Variants in ULK4 observed in about 807,000 individuals in gnomAD.
ULK4 encodes the protein inactive serine/threonine-protein kinase ULK4.
In ULK4, 133 loss-of-function variants were observed where a neutral mutation model predicts 160.6. That is an observed-to-expected ratio of 0.83 (90% CI 0.72 to 0.96). The LOEUF (loss-of-function observed/expected upper bound fraction) is 0.96. Among genes scored for constraint, ULK4 ranks in the 40% least tolerant of loss-of-function variants. ULK4 has a pLI of 0.00. For missense variants in ULK4, 1,580 were observed against 1,499.5 expected (o/e 1.05, Z -0.89); for synonymous variants, 534 against 539.8 (o/e 0.99, Z 0.15).
rs201544146 is a variant in ULK4 at position 41,804,881 on chromosome 3, T to C, written c.1849-4588A>G. The stretch of plus-strand genomic sequence containing the variant: ...ACCAGTACCATGCTGTTTTGGTTAC[T>C]GTAGCCTTGTAGTATAGTTTGAAGT... On this transcript the variant is annotated intron_variant, in intron 19 of 36. Transcript: ENST00000301831. 9.2e-3 allele frequency among the ~76,000 whole-genome samples: 1,391 copies of C among 150,764 alleles called. 49 individuals carry two copies. In the East Asian group the frequency reaches 0.13, roughly 14 times the overall value.
chr3:41,738,411 C>T (rs1224517042), intron 22 of ULK4, among the ~76,000 whole-genome samples: 1 of 151,920 alleles, frequency 6.6e-6, no homozygotes, highest in Admixed American at 6.5e-5. Context: ...AGTTCATGTT[C>T]ACTGCCTTGC....
intron 21 of ULK4, among the ~76,000 whole-genome samples, chr3:41,786,884 G>T (rs1013556812): frequency 6.6e-6 from 1 of 151,950 alleles, no homozygotes; most frequent in Non-Finnish European, 1.5e-5. Context: ...TGAAACCTGA[G>T]GATCAACACA....
intron 35 of ULK4, among the ~76,000 whole-genome samples, chr3:41,367,509 A>G (rs1250527853): frequency 6.6e-6 from 1 of 152,174 alleles, no homozygotes; most frequent in Admixed American, 6.5e-5. Flanking sequence ...TGTGGTGAGC[A>G]GCTCCATGGC....
intron 21 of ULK4, chr3:41,766,813 T>C (rs2039176832): frequency 6.6e-6 from 1 of 152,214 alleles, no homozygotes; most frequent in South Asian, 2.1e-4. Flanking sequence ...GACACACATG[T>C]AGCCATGAGG....
intron 17 of ULK4, among the ~76,000 whole-genome samples, chr3:41,864,889 C>G (rs2042583151): frequency 6.6e-6 from 1 of 152,170 alleles, no homozygotes; most frequent in South Asian, 2.1e-4. Context: ...TCTCCAACCT[C>G]TATCTTCAAT....
chr3:41,391,986 G>A (rs770841977), intron 35 of ULK4, among the ~76,000 whole-genome samples: 1 of 152,026 alleles, frequency 6.6e-6, no homozygotes, highest in African/African-American at 2.4e-5. Flanking sequence ...GAGAGTAGTC[G>A]ATAGCATATA....
At chr3:41,538,452 A>T (rs2086586475) in intron 32 of ULK4, among the ~76,000 whole-genome samples, 1 of 152,070 alleles carries the variant, frequency 6.6e-6, no homozygotes, top group Admixed American at 6.6e-5. Context: ...AAACAATTCA[A>T]CTTTTTGTTA....
chr3:41,463,847 GTGTTAT>G (rs2083756393), intron 32 of ULK4, among the ~76,000 whole-genome samples: 1 of 152,002 alleles, frequency 6.6e-6, no homozygotes, highest in Non-Finnish European at 1.5e-5. Context: ...CATTTTGGGG[GTGTTAT>G]TGTTTACATT....
At chr3:41,309,916 A>G (rs571734139) in intron 35 of ULK4, among the ~76,000 whole-genome samples, 2 of 152,226 alleles carry the variant, frequency 1.3e-5, no homozygotes, top group East Asian at 3.9e-4. Flanking sequence ...AAAAAATGAC[A>G]CATTTTAGAG....
In ULK4 at chr3:41,488,691, C is replaced by T. The variant is rs2084635091; in HGVS notation, c.3227-25438G>A. Reference sequence around the variant, plus strand: ...GGGTTCAGTTTGCACCTCTGTAACACCAAGTGAAACTCTTGCTACATTCTG... The same window carrying T: ...GGGTTCAGTTTGCACCTCTGTAACATCAAGTGAAACTCTTGCTACATTCTG... On this transcript the variant is annotated intron_variant, in intron 32 of 36. Coordinates refer to ENST00000301831, the MANE Select transcript of ULK4 (RefSeq NM_017886.4). Among the ~76,000 whole-genome samples, 3 of 152,148 alleles carry T rather than the reference C, an allele frequency of 2.0e-5. No individual in the cohort carries two copies. The South Asian group carries it at 6.2e-4, about 32-fold the overall frequency.
intron 19 of ULK4, among the ~76,000 whole-genome samples, chr3:41,809,925 A>T (rs1281920025): frequency 1.3e-5 from 2 of 152,210 alleles, no homozygotes; most frequent in South Asian, 2.1e-4. Context: ...AACATACTCA[A>T]TGAAAACATT....
intron 35 of ULK4, among the ~76,000 whole-genome samples, chr3:41,355,353 C>T (rs2081009328): frequency 6.6e-6 from 1 of 152,198 alleles, no homozygotes; most frequent in Admixed American, 6.5e-5. Context: ...CAAAAATGCT[C>T]TTGGGCTTGT....
intron 2 of ULK4, among the ~76,000 whole-genome samples, chr3:41,942,329 G>A (rs986898486): frequency 5.3e-5 from 8 of 151,498 alleles, no homozygotes; most frequent in Non-Finnish European, 7.4e-5. Flanking sequence ...GACCAGCCTG[G>A]CCAACATGAT....
chr3:41,764,040 G>A (rs1408847410), intron 21 of ULK4, among the ~76,000 whole-genome samples: 1 of 152,120 alleles, frequency 6.6e-6, no homozygotes, highest in South Asian at 2.1e-4. Flanking sequence ...AATCCATGAG[G>A]AGTTTTCAAA....
intron 33 of ULK4, among the ~76,000 whole-genome samples, chr3:41,457,441 C>G (rs1040185515): frequency 6.6e-6 from 1 of 152,084 alleles, no homozygotes; most frequent in Non-Finnish European, 1.5e-5. Context: ...GCCAAGAGTT[C>G]CAGAAGAAAG....
At chr3:41,641,719 T>G (rs1346688030) in intron 30 of ULK4, among the ~76,000 whole-genome samples, 3 of 152,074 alleles carry the variant, frequency 2.0e-5, no homozygotes, top group Non-Finnish European at 1.5e-5. Flanking sequence ...GTGAAAGAAG[T>G]AAATTTAGTA....
At chr3:41,396,875 G>A (rs942735877) in intron 35 of ULK4, among the ~76,000 whole-genome samples, 3 of 152,062 alleles carry the variant, frequency 2.0e-5, no homozygotes, top group Non-Finnish European at 2.9e-5. Context: ...GGGTTGGGGG[G>A]GAGTCACACC....
chr3:41,606,582 C>T (rs557875465), intron 31 of ULK4, among the ~76,000 whole-genome samples: 1 of 151,896 alleles, frequency 6.6e-6, no homozygotes, highest in East Asian at 1.9e-4. Context: ...ATTTGTACCC[C>T]CATTAACAGT....
intron 35 of ULK4, among the ~76,000 whole-genome samples, chr3:41,275,928 A>G (rs775174766): frequency 9.9e-5 from 15 of 152,236 alleles, no homozygotes; most frequent in Non-Finnish European, 1.6e-4. Flanking sequence ...TGTATTAAAG[A>G]AGGAATATCA....
Sources: allele counts gnomAD v4.1 joint callset (sites outside exome capture counted in the v4.1 genomes callset), GRCh38; gene constraint gnomAD v4.1.1; transcripts MANE v1.5; gene names NCBI Gene and HGNC (gene_info 2026-07-23, HGNC 2026-07-21).